Variants in CDC42BPB observed in about 807,000 individuals in gnomAD.
CDC42BPB encodes the protein CDC42 binding protein kinase beta.
In CDC42BPB, 37 loss-of-function variants were observed where a neutral mutation model predicts 214.9. That is an observed-to-expected ratio of 0.17 (90% CI 0.13 to 0.23). CDC42BPB has a LOEUF of 0.23. Ranked by LOEUF, CDC42BPB falls within the 10% of genes least tolerant of loss-of-function variation. CDC42BPB has a pLI of 1.00. For missense variants in CDC42BPB, 1,694 were observed against 2,227.0 expected (o/e 0.76, Z 4.82); for synonymous variants, 931 against 884.0 (o/e 1.05, Z -0.94).
chr14:102,932,409 T>C lies in CDC42BPB; in HGVS notation c.*1303A>G, dbSNP rs1049261656. 2 of 152,288 alleles carry C rather than the reference T, an allele frequency of 1.3e-5. No individual in the cohort carries two copies. The highest frequency in any genetic ancestry group is 4.8e-5 in the African/African-American group (2 of 41,426). 9.4% of individuals were successfully genotyped at this position (152,288 alleles called of 1,614,324 possible). On this transcript the variant is annotated 3_prime_UTR_variant, in exon 37 of 37. Transcript: ENST00000361246. ...TTAAAACTGCCGTCTTCTGCTTTAT[T>C]GACAGGTAAATTGTTCAAAAATGTT...
intron 3 of CDC42BPB, among the ~76,000 whole-genome samples, chr14:103,005,004 A>G (rs916415890): frequency 1.3e-5 from 2 of 151,852 alleles, no homozygotes; most frequent in Non-Finnish European, 2.9e-5. Flanking sequence ...CGTCTCTATT[A>G]AAAATACAAA....
At chr14:102,967,279 TC>T in intron 16 of CDC42BPB, 109 bp from the exon 17 acceptor site, 5 of 1,436,232 alleles carry the variant, frequency 3.5e-6, no homozygotes, top group Non-Finnish European at 4.6e-6. Context: ...TCTTTAATCG[TC>T]ATGAGATTTT....
intron 4 of CDC42BPB, 147 bp from the exon 5 acceptor site, chr14:102,999,860 CCTT>C (rs1894900402): frequency 6.8e-7 from 1 of 1,461,256 alleles, no homozygotes; most frequent in Admixed American, 2.6e-5. Context: ...CCAAGACCCT[CCTT>C]CTGGAACATG....
chr14:103,004,266 G>T lies in CDC42BPB; in HGVS notation c.352-243C>A. The T allele has an allele frequency of 9.9e-7, 1 of 1,011,836 alleles. No individual in the cohort carries two copies. The highest frequency in any genetic ancestry group is 1.3e-6 in the Non-Finnish European group (1 of 789,110). 62.7% of individuals were successfully genotyped at this position (1,011,836 alleles called of 1,614,324 possible). A position where few individuals can be genotyped will look rare whatever the true frequency, so the allele number is the denominator to read the frequency against. ...GCACTTGCACCCTGCTGTCCCACGG[G>T]CACCATTTCTGTGGCTGACACTTAG... On this transcript the variant is annotated intron_variant, in intron 3 of 36. Transcript: ENST00000361246. This position sits in a 1 kb window ranked among gnomAD's most constrained non-coding sequence, Gnocchi z 5.3.
intron 1 of CDC42BPB, 39 bp downstream of exon 1, chr14:103,056,960 C>A: frequency 7.6e-7 from 1 of 1,307,270 alleles, no homozygotes; most frequent in Non-Finnish European, 9.9e-7. Context: ...GCGCGGGGGT[C>A]GCAGAGCCGC....
chr14:103,032,330 C>T (rs973996556), intron 1 of CDC42BPB, among the ~76,000 whole-genome samples: 1 of 151,980 alleles, frequency 6.6e-6, no homozygotes, highest in East Asian at 1.9e-4. Context: ...TTTACCACTG[C>T]AACATCTGAA....
At position 102,954,692 on chromosome 14, in the gene CDC42BPB, T is replaced by G. The variant is rs1210644949; in HGVS notation, c.2902-4A>C. On this transcript the variant is annotated splice_polypyrimidine_tract_variant and splice_region_variant and intron_variant, in intron 21 of 36. Coordinates refer to ENST00000361246, the MANE Select transcript of CDC42BPB (RefSeq NM_006035.4). ...CTTGCTCACTAGCTGAGCTGGTCTG[T>G]GAGAACCAAGAAAGAAAGAGTGGGG... 6.2e-7 allele frequency: 1 copy of G among 1,612,908 alleles called. No homozygotes were observed. Among genetic ancestry groups the G allele is most frequent in the South Asian group, 1.1e-5 (1 of 90,918 alleles).
intron 8 of CDC42BPB, 93 bp downstream of exon 8, chr14:102,980,680 A>G: frequency 1.6e-6 from 2 of 1,231,656 alleles, no homozygotes; most frequent in Admixed American, 1.8e-5. Context: ...TCACAGCTTT[A>G]TGGTGTACTG....
rs549646559 is a variant in CDC42BPB at position 102,954,077 on chromosome 14, G to A, written c.3066+121C>T. Reference sequence around the variant, plus strand: ...CCTACAGAACATGAGGGTCGCTACTGTGTGTATGCAAAAATGACTAAGTAT... The same window carrying A: ...CCTACAGAACATGAGGGTCGCTACTATGTGTATGCAAAAATGACTAAGTAT... On this transcript the variant is annotated intron_variant, in intron 23 of 36. Transcript: ENST00000361246. The A allele has an allele frequency of 6.8e-6, 5 of 732,676 alleles. No homozygotes were observed. The East Asian group carries it at 1.3e-4, about 20-fold the overall frequency. 45.4% of individuals were successfully genotyped at this position (732,676 alleles called of 1,614,324 possible).
intron 1 of CDC42BPB, among the ~76,000 whole-genome samples, chr14:103,049,790 T>G (rs748199095): frequency 2.6e-5 from 4 of 152,254 alleles, no homozygotes; most frequent in Non-Finnish European, 5.9e-5. Context: ...CTCGGCTCAC[T>G]GCAACCTCCG....
At chr14:102,996,121 C>T (rs897512516) in intron 5 of CDC42BPB, among the ~76,000 whole-genome samples, 25 of 152,136 alleles carry the variant, frequency 1.6e-4, no homozygotes, top group African/African-American at 4.8e-4. Context: ...GGGCGGATCA[C>T]GAGGTCAGGA....
Position 102,933,808 on chromosome 14 carries a change from C to G in CDC42BPB, c.5040G>C (p.Ser1680=). ...DSDSTKHSTP[S]NSSNPSGPPS... ...GTGGGCCGCTGGGGTTGGAGCTATT[C>G]GATGGAGTTGAGTGTTTGGTGGAGT... is the stretch of plus-strand genomic sequence containing the variant. The change falls in exon 37 of 37, where the codon TCG becomes TCC. Residue 1680 remains serine, a synonymous_variant. Transcript: ENST00000361246. The G allele has an allele frequency of 6.6e-7, 1 of 1,514,580 alleles. No homozygotes were observed. The allele number at this position is 1,514,580 out of a possible 1,614,324, so 93.8% of individuals were successfully genotyped here. A position where few individuals can be genotyped will look rare whatever the true frequency, so the allele number is the denominator to read the frequency against.
intron 12 of CDC42BPB, among the ~76,000 whole-genome samples, chr14:102,972,790 G>C (rs1488753391): frequency 7.0e-6 from 1 of 142,510 alleles, no homozygotes; most frequent in Non-Finnish European, 1.5e-5. Flanking sequence ...AGGACGCTCC[G>C]TAATGTCAGC....
At chr14:103,019,229 T>G (rs1418635033) in intron 1 of CDC42BPB, among the ~76,000 whole-genome samples, 1 of 152,162 alleles carries the variant, frequency 6.6e-6, no homozygotes, top group Non-Finnish European at 1.5e-5. Context: ...CTACCACACC[T>G]GGCCATCCTG....
chr14:102,946,613 T>C lies in CDC42BPB; in HGVS notation c.3603A>G (p.Glu1201=), dbSNP rs1251400887. 1.2e-6 allele frequency: 2 copies of C among 1,612,834 alleles called. No homozygotes were observed. Among genetic ancestry groups the C allele is most frequent in the Non-Finnish European group, 1.7e-6 (2 of 1,179,984 alleles). ...CTAGAATCCCAACCCACTTCCTCTT[T>C]TCATTCTCATTTTCTGTCAGAATGA... is the stretch of plus-strand genomic sequence containing the variant. ...SLLILTENEN[E]KRKWVGILEG... The change falls in exon 28 of 37, where the codon GAA becomes GAG. Residue 1201 remains glutamate (E), a synonymous_variant. Coordinates refer to ENST00000361246, the MANE Select transcript of CDC42BPB (RefSeq NM_006035.4).
chr14:103,026,715 A>G (rs1375951087), intron 1 of CDC42BPB, among the ~76,000 whole-genome samples: 1 of 151,852 alleles, frequency 6.6e-6, no homozygotes, highest in Admixed American at 6.6e-5. Context: ...TATTTTTTAA[A>G]AAATTAGCCA....
At chr14:103,034,754 G>T (rs1255478407) in intron 1 of CDC42BPB, among the ~76,000 whole-genome samples, 1 of 151,020 alleles carries the variant, frequency 6.6e-6, no homozygotes, top group Non-Finnish European at 1.5e-5. Flanking sequence ...GGAGGCGGAG[G>T]TTGCAGTGAG....
At chr14:103,012,072 G>C in intron 2 of CDC42BPB, 25 bp downstream of exon 2, 1 of 1,530,624 alleles carries the variant, frequency 6.5e-7, no homozygotes, top group Non-Finnish European at 9.1e-7. Context: ...TTTAGGCAAA[G>C]TTAACAAAAT....
At chr14:103,052,256 TTAAAC>T (rs1336787229) in intron 1 of CDC42BPB, among the ~76,000 whole-genome samples, 1 of 152,232 alleles carries the variant, frequency 6.6e-6, no homozygotes, top group Non-Finnish European at 1.5e-5. Context: ...CTAAATTAGG[TTAAAC>T]TAATTTTTAT....
Sources: gnomAD v4.1 joint callset for allele counts (sites outside exome capture counted in the v4.1 genomes callset) on GRCh38, gnomAD v4.1.1 for gene constraint, Gnocchi (gnomAD v3.1) non-coding constraint, MANE v1.5 for transcripts, NCBI Gene and HGNC (gene_info 2026-07-23, HGNC 2026-07-21) for gene names.